DLC1: variants seen among roughly 807,000 people sequenced by gnomAD.
DLC1 encodes rho GTPase-activating protein 7.
A neutral mutation model predicts 140.3 loss-of-function variants in DLC1; 54 were observed. That is an observed-to-expected ratio of 0.38 (90% CI 0.31 to 0.48). DLC1 has a LOEUF of 0.48. Among genes scored for constraint, DLC1 ranks in the 20% least tolerant of loss-of-function variants. The pLI is 0.96. For synonymous variants in DLC1, 986 were observed against 728.1 expected, an observed-to-expected ratio of 1.35 and a Z score of -5.70; for missense variants, 2,536 against 1,907.0, an observed-to-expected ratio of 1.33 and a Z score of -6.14.
chr8:13,327,505 T>G (rs1277102061), intron 4 of DLC1, among the ~76,000 whole-genome samples: 6 of 146,896 alleles, frequency 4.1e-5, no homozygotes, highest in Admixed American at 6.8e-5. Context: ...GCGGTGGGGG[T>G]GGGGGTTTCT....
chr8:13,269,760 A>C (rs1830847008), intron 5 of DLC1, among the ~76,000 whole-genome samples: 1 of 151,518 alleles, frequency 6.6e-6, no homozygotes. Flanking sequence ...AATTAGAATA[A>C]GAAATTTAAA....
chr8:13,546,902 T>G (rs1803666837), intron 1 of DLC1, among the ~76,000 whole-genome samples: 2 of 152,148 alleles, frequency 1.3e-5, no homozygotes, highest in Admixed American at 6.6e-5. Flanking sequence ...AGTAGACATT[T>G]TATGTATCCT....
At chr8:13,227,530 A>G (rs1828853476) in intron 5 of DLC1, among the ~76,000 whole-genome samples, 1 of 152,184 alleles carries the variant, frequency 6.6e-6, no homozygotes, top group Admixed American at 6.5e-5. Flanking sequence ...TGAAAATTCA[A>G]GATATAGGCT....
rs774092695 is a variant in DLC1 at position 13,098,571 on chromosome 8, G to A, written c.2995C>T (p.Arg999Ter). 1 of 1,613,084 alleles carries A rather than the reference G, an allele frequency of 6.2e-7. No individual in the cohort carries two copies. The highest frequency in any genetic ancestry group is 8.5e-7 in the Non-Finnish European group (1 of 1,179,540). The change falls in exon 10 of 18, where the codon CGA becomes TGA. Residue 999 changes from arginine (R) to a stop codon, truncating the protein, a stop_gained. Coordinates refer to ENST00000276297, the MANE Select transcript of DLC1 (RefSeq NM_182643.3). LOFTEE classifies it high-confidence loss of function. Reference protein sequence around the residue: ...GASLTRSNRHRLRWHSFQSSH... With the variant: ...GASLTRSNRH ...CTCTGGAAACTGTGCCATCTCAGTCGGTGCCTGCGAGAGAAGAGGAGAGGA... is the reference window on the plus strand; with the variant it reads ...CTCTGGAAACTGTGCCATCTCAGTCAGTGCCTGCGAGAGAAGAGGAGAGGA...
chr8:13,426,653 T>G (rs979166515), intron 2 of DLC1, among the ~76,000 whole-genome samples: 2 of 152,160 alleles, frequency 1.3e-5, no homozygotes, highest in African/African-American at 2.4e-5. Context: ...CAATTGAGAC[T>G]TAGTAGGGGC....
Position 13,133,357 on chromosome 8 carries a change from G to A in DLC1, c.1349-17700C>T, listed in dbSNP as rs536700206. ...ACCCCCCGAGGGGCGGGGCCAGAGC[G>A]GGCGGCACCGCCTCCTCCCCGCTGT... On this transcript the variant is annotated intron_variant, in intron 5 of 17. Coordinates refer to ENST00000276297, the MANE Select transcript of DLC1 (RefSeq NM_182643.3). 4.7e-4 allele frequency: 509 copies of A among 1,079,810 alleles called. 2 individuals carry two copies. The African/African-American group carries it at 8.1e-3, about 17-fold the overall frequency. 66.9% of individuals were successfully genotyped at this position (1,079,810 alleles called of 1,614,324 possible).
chr8:13,591,520 A>G (rs960968259), intron 1 of DLC1, among the ~76,000 whole-genome samples: 12 of 152,100 alleles, frequency 7.9e-5, no homozygotes, highest in Non-Finnish European at 1.8e-4. Flanking sequence ...CTCCCTAGCC[A>G]TGCAGAACCG....
intron 2 of DLC1, among the ~76,000 whole-genome samples, chr8:13,486,447 G>A (rs374884445): frequency 1.3e-5 from 2 of 151,886 alleles, no homozygotes; most frequent in South Asian, 4.2e-4. Context: ...GTTACATTTC[G>A]ATGTTGGCCA....
intron 2 of DLC1, among the ~76,000 whole-genome samples, chr8:13,439,997 A>G (rs1798418299): frequency 6.6e-6 from 1 of 152,196 alleles, no homozygotes; most frequent in African/African-American, 2.4e-5. Flanking sequence ...GTGTTCCTCA[A>G]AGCCTATTCA....
At chr8:13,495,014 T>A (rs1245844724) in intron 2 of DLC1, among the ~76,000 whole-genome samples, 5 of 152,290 alleles carry the variant, frequency 3.3e-5, no homozygotes, top group African/African-American at 1.2e-4. Flanking sequence ...TCATTTAATT[T>A]GTTTTTGGAA....
intron 5 of DLC1, chr8:13,116,054 G>T: frequency 1.2e-6 from 1 of 822,552 alleles, no homozygotes; most frequent in Non-Finnish European, 1.5e-6. Context: ...AGGCCACAAA[G>T]TACCTCCACC....
chr8:13,492,294 G>A (rs2117169584), intron 2 of DLC1, among the ~76,000 whole-genome samples: 1 of 152,120 alleles, frequency 6.6e-6, no homozygotes, highest in Middle Eastern at 3.4e-3. Context: ...TATAATCTCT[G>A]GAGTCAAGTT....
chr8:13,405,911 CTTTT>C (rs1837510337), intron 2 of DLC1, among the ~76,000 whole-genome samples: 1 of 69,626 alleles, frequency 1.4e-5, no homozygotes, highest in Non-Finnish European at 2.9e-5. Context: ...TTCTTTCTTT[CTTTT>C]CTTTTCTTTC....
intron 1 of DLC1, among the ~76,000 whole-genome samples, chr8:13,523,189 G>C (rs574095272): frequency 6.6e-6 from 1 of 152,156 alleles, no homozygotes; most frequent in South Asian, 2.1e-4. Context: ...GGTCACTGTG[G>C]TAATCCAGGT....
chr8:13,379,603 T>C (rs1409810644), intron 4 of DLC1, among the ~76,000 whole-genome samples: 1 of 152,192 alleles, frequency 6.6e-6, no homozygotes, highest in Non-Finnish European at 1.5e-5. Flanking sequence ...CATTGTAAAT[T>C]GGGGACCCTC....
intron 1 of DLC1, chr8:13,567,863 G>C: frequency 5.8e-6 from 9 of 1,551,874 alleles, no homozygotes; most frequent in Non-Finnish European, 7.0e-6. Context: ...GATGGAAATA[G>C]TGCTTGTCAT....
chr8:13,216,467 T>C (rs1317742751), intron 5 of DLC1, among the ~76,000 whole-genome samples: 1 of 152,056 alleles, frequency 6.6e-6, no homozygotes, highest in Non-Finnish European at 1.5e-5. Flanking sequence ...CAAGTCCATT[T>C]CTAGTTCCAC....
chr8:13,443,545 G>A (rs565077643), intron 2 of DLC1, among the ~76,000 whole-genome samples: 1 of 151,234 alleles, frequency 6.6e-6, no homozygotes, highest in Admixed American at 6.6e-5. Flanking sequence ...TGTAGTCCCA[G>A]CTACTTGAGA....
intron 1 of DLC1, among the ~76,000 whole-genome samples, chr8:13,551,246 C>T (rs556659925): frequency 6.6e-6 from 1 of 152,118 alleles, no homozygotes; most frequent in African/African-American, 2.4e-5. Flanking sequence ...AAGAATGTAG[C>T]TTTTAGATGT....
Sources: allele counts gnomAD v4.1 joint callset (sites outside exome capture counted in the v4.1 genomes callset), GRCh38; gene constraint gnomAD v4.1.1; transcripts MANE v1.5; gene names NCBI Gene and HGNC (gene_info 2026-07-23, HGNC 2026-07-21).